The following ZNF292 variants were observed in gnomAD, a reference collection of about 807,000 sequenced individuals.
ZNF292 encodes zinc finger protein 292.
A neutral mutation model predicts 217.9 loss-of-function variants in ZNF292; 26 were observed. The observed-to-expected ratio is 0.12, with a 90% CI of 0.09 to 0.17. The LOEUF is 0.17. Among genes scored for constraint, ZNF292 ranks in the 10% least tolerant of loss-of-function variants. The probability of loss-of-function intolerance (pLI) is 1.00; values close to 1 mark genes in which losing one functional copy is unlikely to be tolerated. For missense variants in ZNF292, 2,904 were observed against 3,175.2 expected, an observed-to-expected ratio of 0.91 and a Z score of 2.05; for synonymous variants, 1,257 against 1,124.1, an observed-to-expected ratio of 1.12 and a Z score of -2.37.
rs771549783 is a variant in ZNF292 at position 87,255,175 on chromosome 6, CAGA to C, written c.1553_1555del (p.Lys518del). 104 of 1,613,580 alleles carry C rather than the reference CAGA, an allele frequency of 6.4e-5. No homozygotes were observed. Among genetic ancestry groups the C allele is most frequent in the Admixed American group, 5.0e-5 (3 of 59,952 alleles). ...TCTTAAAGACATTGGTGATGAAAAGCAGAAGAAGAGAGAGATAAAACAGTTAAG... is the reference window on the plus strand; with the variant it reads ...TCTTAAAGACATTGGTGATGAAAAGCAGAAGAGAGAGATAAAACAGTTAAG... On this transcript the variant is annotated inframe_deletion, in exon 8 of 8. Coordinates refer to ENST00000369577, the MANE Select transcript of ZNF292 (RefSeq NM_015021.3).
chr6:87,202,032 C>T (rs1772111810), intron 1 of ZNF292, among the ~76,000 whole-genome samples: 1 of 152,288 alleles, frequency 6.6e-6, no homozygotes, highest in Middle Eastern at 3.4e-3. Flanking sequence ...ATTCAAAAAC[C>T]TGGCTCTTCA....
intron 1 of ZNF292, chr6:87,214,998 G>A (rs1043726282): frequency 1.3e-5 from 2 of 151,348 alleles, no homozygotes; most frequent in Non-Finnish European, 2.9e-5. Context: ...TATTTTCTAG[G>A]AAAAGAAACC....
At chr6:87,220,915 A>G (rs1330207991) in intron 4 of ZNF292, among the ~76,000 whole-genome samples, 1 of 152,158 alleles carries the variant, frequency 6.6e-6, no homozygotes, top group African/African-American at 2.4e-5. Flanking sequence ...TACATGATGG[A>G]GAGATTTGCA....
At chr6:87,185,188 A>G (rs1175081985) in intron 1 of ZNF292, among the ~76,000 whole-genome samples, 3 of 152,230 alleles carry the variant, frequency 2.0e-5, no homozygotes, top group African/African-American at 7.2e-5. Flanking sequence ...AGACATTAAC[A>G]AAGGAATAGT....
In ZNF292 at chr6:87,261,148, T is replaced by A. The variant is rs1459372186; in HGVS notation, c.7519T>A (p.Ser2507Thr). Residue 2507 changes from serine to threonine, a missense_variant, in exon 8 of 8, where the codon TCT (serine) becomes ACT (threonine). Transcript: ENST00000369577. ...AAGTGTAGAGACCCAAGCTAATACT[T>A]CTTCAAATGTAAGTAATGATTTTCA... ...STSVETQANT[S>T]SNVSNDFQED... 5 of 1,613,024 alleles carry A rather than the reference T, an allele frequency of 3.1e-6. No individual in the cohort carries two copies. The highest frequency in any genetic ancestry group is 2.5e-6 in the Non-Finnish European group (3 of 1,179,532).
At chr6:87,254,451 A>T (rs1413222571) in intron 7 of ZNF292, among the ~76,000 whole-genome samples, 199 bp from the exon 8 acceptor site, 1 of 152,224 alleles carries the variant, frequency 6.6e-6, no homozygotes, top group Non-Finnish European at 1.5e-5. Flanking sequence ...TAATACTTAA[A>T]CATTTTCTGC....
intron 1 of ZNF292, among the ~76,000 whole-genome samples, chr6:87,197,421 G>GTT (rs71014999): frequency 1.4e-5 from 2 of 141,582 alleles, no homozygotes; most frequent in East Asian, 4.0e-4. Context: ...TAACATTTGG[G>GTT]TTTTTTTTTT....
At chr6:87,202,356 T>A (rs1772122554) in intron 1 of ZNF292, among the ~76,000 whole-genome samples, 1 of 152,334 alleles carries the variant, frequency 6.6e-6, no homozygotes, top group East Asian at 1.9e-4. Flanking sequence ...ACTGCTTTTT[T>A]AAAAAAATAG....
chr6:87,207,473 T>A (rs1772294361), intron 1 of ZNF292, among the ~76,000 whole-genome samples: 1 of 152,226 alleles, frequency 6.6e-6, no homozygotes, highest in African/African-American at 2.4e-5. Context: ...TAGGGTATTC[T>A]TTTGTTAAGT....
intron 1 of ZNF292, among the ~76,000 whole-genome samples, chr6:87,204,575 T>G (rs1463868465): frequency 6.9e-6 from 1 of 144,414 alleles, no homozygotes; most frequent in Non-Finnish European, 1.5e-5. Context: ...TTTTTTTTTT[T>G]TTTTTGATAC....
chr6:87,166,143 A>G (rs2127771032), intron 1 of ZNF292, among the ~76,000 whole-genome samples: 1 of 152,362 alleles, frequency 6.6e-6, no homozygotes, highest in East Asian at 1.9e-4. Context: ...TGCATAGGAA[A>G]AAATCTGCAT....
intron 7 of ZNF292, among the ~76,000 whole-genome samples, chr6:87,248,553 G>A (rs1288951118): frequency 6.6e-6 from 1 of 152,056 alleles, no homozygotes; most frequent in African/African-American, 2.4e-5. Context: ...GACCAGCCTG[G>A]GCAACACAGC....
At chr6:87,174,057 T>C (rs1378312430) in intron 1 of ZNF292, 2 of 234,000 alleles carry the variant, frequency 8.5e-6, no homozygotes, top group African/African-American at 2.5e-5. Context: ...AACTTTCATG[T>C]TATATGCAAT....
chr6:87,177,474 A>G (rs1771339565), intron 1 of ZNF292, among the ~76,000 whole-genome samples: 1 of 152,170 alleles, frequency 6.6e-6, no homozygotes. Context: ...ATTACTGGCT[A>G]CATAGTTTTC....
intron 7 of ZNF292, chr6:87,249,352 C>T (rs960977334): frequency 6.9e-6 from 3 of 431,904 alleles, no homozygotes; most frequent in African/African-American, 6.1e-5. Flanking sequence ...ATCTCCAACT[C>T]CTGGGCTCAA....
Position 87,257,379 on chromosome 6 carries a change from T to G in ZNF292, c.3750T>G (p.Val1250=), listed in dbSNP as rs756352975. 1 of 1,613,682 alleles carries G rather than the reference T, an allele frequency of 6.2e-7. No individual in the cohort carries two copies. Among genetic ancestry groups the G allele is most frequent in the South Asian group, 1.1e-5 (1 of 91,034 alleles). Residue 1250 remains valine (V), a synonymous_variant, in exon 8 of 8, where the codon GTT becomes GTG. Transcript: ENST00000369577. ...AAATGGAAGATCTAACCAAAACAGT[T>G]CTGCCTTTGAATATTGACAGTGGCT... ...PAQMEDLTKT[V]LPLNIDSGSD... is the part of the protein sequence containing the mutation.
At chr6:87,164,683 T>C (rs1383939490) in intron 1 of ZNF292, among the ~76,000 whole-genome samples, 1 of 152,170 alleles carries the variant, frequency 6.6e-6, no homozygotes, top group East Asian at 1.9e-4. Flanking sequence ...GCATTCCTGC[T>C]TTCTGATCTC....
At chr6:87,238,430 G>A (rs377701801) in intron 5 of ZNF292, among the ~76,000 whole-genome samples, 3 of 151,056 alleles carry the variant, frequency 2.0e-5, no homozygotes, top group African/African-American at 7.3e-5. Flanking sequence ...AGGTTGCGGT[G>A]AGTCGAGATC....
intron 3 of ZNF292, among the ~76,000 whole-genome samples, chr6:87,218,218 A>C (rs1462251203): frequency 6.6e-6 from 1 of 152,156 alleles, no homozygotes; most frequent in African/African-American, 2.4e-5. Context: ...TTCGTTATGC[A>C]AATCTTTTTA....
Sources: allele counts gnomAD v4.1 joint callset (sites outside exome capture counted in the v4.1 genomes callset), GRCh38; gene constraint gnomAD v4.1.1; transcripts MANE v1.5; gene names NCBI Gene and HGNC (gene_info 2026-07-23, HGNC 2026-07-21).